DACT3: variants seen among roughly 807,000 people sequenced by gnomAD.
The protein encoded by DACT3 is dishevelled binding antagonist of beta catenin 3, also known as dapper homolog 3.
DACT3 carries 5 observed loss-of-function variants against 19.6 expected under a neutral mutation model. The observed-to-expected ratio is 0.26, with a 90% CI of 0.13 to 0.54. The LOEUF is 0.54. DACT3 is among the 20% of genes least tolerant of loss of function. The pLI, the probability that DACT3 is intolerant of heterozygous loss-of-function variation, is 0.95. For missense variants in DACT3, 908 were observed against 927.4 expected, an observed-to-expected ratio of 0.98 and a Z score of 0.27; for synonymous variants, 454 against 428.1, an observed-to-expected ratio of 1.06 and a Z score of -0.75.
intron 1 of DACT3, among the ~76,000 whole-genome samples, chr19:46,655,295 T>G (rs2053024532): frequency 6.6e-6 from 1 of 152,088 alleles, no homozygotes. Context: ...TTTCTACATA[T>G]CAGTAATGAC....
At position 46,649,301 on chromosome 19, in the gene DACT3, C is replaced by T; in HGVS notation, c.1071G>A (p.Ala357=). 1.6e-6 allele frequency: 2 copies of T among 1,233,816 alleles called. No individual in the cohort carries two copies. The highest frequency in any genetic ancestry group is 5.0e-5 in the South Asian group (2 of 39,658). 76.4% of individuals were successfully genotyped at this position (1,233,816 alleles called of 1,614,324 possible). The change falls in exon 4 of 4, where the codon GCG becomes GCA. Residue 357 remains alanine, a synonymous_variant. Coordinates refer to ENST00000391916, the MANE Select transcript of DACT3 (RefSeq NM_145056.3). ...CCGCCTGCGCGCCCGGGATGTACTG[C>T]GCCTTCACCAAGCGGCCCTCAGCCG... ...DSPAEGRLVK[A]QYIPGAQAAT... is the part of the protein sequence containing the mutation.
intron 1 of DACT3, among the ~76,000 whole-genome samples, chr19:46,658,316 G>A (rs1472252075): frequency 6.6e-6 from 1 of 152,052 alleles, no homozygotes; most frequent in African/African-American, 2.4e-5. Context: ...GATTGCTTGA[G>A]GCCAAGTTAG....
At chr19:46,656,021 CAT>C (rs1412662071) in intron 1 of DACT3, among the ~76,000 whole-genome samples, 1 of 148,654 alleles carries the variant, frequency 6.7e-6, no homozygotes, top group Non-Finnish European at 1.5e-5. Flanking sequence ...TGTATATACA[CAT>C]ATATGTATAT....
intron 1 of DACT3, among the ~76,000 whole-genome samples, chr19:46,655,570 G>A (rs1367322490): frequency 1.3e-5 from 2 of 152,092 alleles, no homozygotes; most frequent in Non-Finnish European, 2.9e-5. Context: ...CCGAGATCAC[G>A]CCACTGCACT....
chr19:46,660,646 A>G lies in DACT3; in HGVS notation c.249+170T>C, dbSNP rs1182704622. Among the ~76,000 whole-genome samples, 7 of 151,756 alleles carry G rather than the reference A, an allele frequency of 4.6e-5. No individual in the cohort carries two copies. The South Asian group carries it at 8.4e-4, about 18-fold the overall frequency. On this transcript the variant is annotated intron_variant, in intron 1 of 3. Transcript: ENST00000391916. This position sits in a 1 kb window ranked among gnomAD's most constrained non-coding sequence, Gnocchi z 4.9. ...CCCCTCCCCCGATTTGGGGGCGGGG[A>G]GGCCAGGTCCGGCCCGCCGCCGGAA...
Position 46,660,864 on chromosome 19 carries a change from T to A in DACT3, c.201A>T (p.Glu67Asp). Residue 67 changes from glutamate (E) to aspartate (D), a missense_variant, in exon 1 of 4, where the codon GAA becomes GAT. Glu to Asp is a conservative substitution (Grantham distance 45). Coordinates refer to ENST00000391916, the MANE Select transcript of DACT3 (RefSeq NM_145056.3). The surrounding 1 kb of genome is among the most constrained non-coding windows in gnomAD (Gnocchi z 4.9). ...CGGCCCGGCGCGCCGCCGCCGCATC[T>A]TCATCCTCATCGGCGTCCTCCTCGT... is the stretch of plus-strand genomic sequence containing the variant. ...AEDEEDADED[E>D]DAAAARRAAA... 1.3e-6 allele frequency: 2 copies of A among 1,527,750 alleles called. No individual in the cohort carries two copies. Among genetic ancestry groups the A allele is most frequent in the Admixed American group, 2.0e-5 (1 of 50,060 alleles). 94.6% of individuals were successfully genotyped at this position (1,527,750 alleles called of 1,614,324 possible).
intron 2 of DACT3, 82 bp from the exon 3 acceptor site, chr19:46,652,894 G>A (rs375952741): frequency 6.5e-7 from 1 of 1,540,740 alleles, no homozygotes; most frequent in Non-Finnish European, 8.8e-7. Context: ...GATGGCGTGG[G>A]GAGAGACACA....
chr19:46,649,846 C>A lies in DACT3; in HGVS notation c.526G>T (p.Val176Leu). The A allele has an allele frequency of 7.0e-7, 1 of 1,420,342 alleles. No individual in the cohort carries two copies. The highest frequency in any genetic ancestry group is 1.4e-5 in the South Asian group (1 of 70,766). 88.0% of individuals were successfully genotyped at this position (1,420,342 alleles called of 1,614,324 possible). ...GGCACCGCTGCCCGCGCGCCCACCA[C>A]CTCCGGAGCGCTGGGACTGGCGTCT... is the stretch of plus-strand genomic sequence containing the variant. ...LGDASPSAPE[V>L]VGARAAVPRS... Residue 176 changes from valine (V) to leucine (L), a missense_variant, in exon 4 of 4, where the codon GTG becomes TTG. Physicochemically the swap from Val to Leu is conservative, Grantham distance 32. Transcript: ENST00000391916.
At chr19:46,656,269 C>T (rs1245197775) in intron 1 of DACT3, among the ~76,000 whole-genome samples, 1 of 151,786 alleles carries the variant, frequency 6.6e-6, no homozygotes, top group Non-Finnish European at 1.5e-5. Context: ...AGGTTGGTCT[C>T]GAACTCCTGA....
At chr19:46,653,993 G>A (rs979924696) in intron 1 of DACT3, 6 of 985,222 alleles carry the variant, frequency 6.1e-6, no homozygotes, top group East Asian at 1.1e-4. Context: ...GGCTGACCAC[G>A]ACTCATAAAC....
chr19:46,657,709 T>C (rs1253870004), intron 1 of DACT3, among the ~76,000 whole-genome samples: 2 of 151,970 alleles, frequency 1.3e-5, no homozygotes, highest in African/African-American at 2.4e-5. Flanking sequence ...AGGAAAGCTA[T>C]GAATTTCTTA....
chr19:46,649,194 G>A lies in DACT3; in HGVS notation c.1178C>T (p.Pro393Leu). ...GCCGGCGGCCCGGGGACGCTCCCGG[G>A]GTGGTGACTGCTCCACGCTGCGGCC... The part of the protein sequence containing the change: ...TRGRSVEQSP[P>L]RERPRAAGRR... Residue 393 changes from proline (P) to leucine (L), a missense_variant, in exon 4 of 4, where the codon CCC (proline) becomes CTC (leucine). Pro to Leu is a moderately conservative substitution (Grantham distance 98). Around this residue, in one of 2 missense-constraint regions of DACT3, gnomAD observed 656 missense variants for 601.8 expected, o/e 1.09. Transcript: ENST00000391916. 1 of 1,204,794 alleles carries A rather than the reference G, an allele frequency of 8.3e-7. No homozygotes were observed. Among genetic ancestry groups the A allele is most frequent in the Non-Finnish European group, 1.0e-6 (1 of 971,636 alleles). The allele number at this position is 1,204,794 out of a possible 1,614,324, so 74.6% of individuals were successfully genotyped here.
intron 1 of DACT3, among the ~76,000 whole-genome samples, chr19:46,657,694 A>G (rs1262941622): frequency 6.6e-6 from 1 of 151,756 alleles, no homozygotes; most frequent in Non-Finnish European, 1.5e-5. Context: ...AGTTTGTATG[A>G]TTACAGGAAA....
chr19:46,658,392 A>G (rs2096799271), intron 1 of DACT3, among the ~76,000 whole-genome samples: 1 of 152,218 alleles, frequency 6.6e-6, no homozygotes, highest in Non-Finnish European at 1.5e-5. Context: ...CCAAAAATAA[A>G]TGAATAAATA....
chr19:46,651,595 G>A (rs2052985246), intron 3 of DACT3: 1 of 152,040 alleles, frequency 6.6e-6, no homozygotes, highest in Non-Finnish European at 1.5e-5. Context: ...ATGCCTTAGA[G>A]CAGAGGCTCA....
At position 46,649,281 on chromosome 19, in the gene DACT3, T is replaced by G; in HGVS notation, c.1091A>C (p.Gln364Pro). ...GCCAGGGAGGCCTCGGGTGGCCGCC[T>G]GCGCGCCCGGGATGTACTGCGCCTT... The part of the protein sequence containing the change: ...LVKAQYIPGA[Q>P]AATRGLPGRA... Residue 364 changes from glutamine (Q) to proline (P), a missense_variant, in exon 4 of 4, where the codon CAG becomes CCG. This residue lies in a region of DACT3 where 656 missense variants were observed against 601.8 expected (regional missense o/e 1.09). Transcript: ENST00000391916. 8.3e-7 allele frequency: 1 copy of G among 1,209,248 alleles called. No homozygotes were observed. Among genetic ancestry groups the G allele is most frequent in the Non-Finnish European group, 1.0e-6 (1 of 974,318 alleles). 74.9% of individuals were successfully genotyped at this position (1,209,248 alleles called of 1,614,324 possible).
Position 46,661,107 on chromosome 19 carries a change from C to G in DACT3, c.-43G>C. 3 of 1,372,938 alleles carry G rather than the reference C, an allele frequency of 2.2e-6. No individual in the cohort carries two copies. The highest frequency in any genetic ancestry group is 2.7e-4 in the Middle Eastern group (1 of 3,764). The allele number at this position is 1,372,938 out of a possible 1,614,324, so 85.0% of individuals were successfully genotyped here. A position where few individuals can be genotyped will look rare whatever the true frequency, so the allele number is the denominator to read the frequency against. ...CCAGCCCGGCCGGGCCCCGCGGCCA[C>G]CCCTCTCCCGGTCCCACCTCCCCGC... On this transcript the variant is annotated 5_prime_UTR_variant, in exon 1 of 4. Transcript: ENST00000391916.
Position 46,652,654 on chromosome 19 carries a change from C to T in DACT3, c.499+6G>A. ...GGCCCCAGGGCCCCACCCTCACCCACCTTACCTAGGGACTTGGGCCTCTCA... is the reference window on the plus strand; with the variant it reads ...GGCCCCAGGGCCCCACCCTCACCCATCTTACCTAGGGACTTGGGCCTCTCA... On this transcript the variant is annotated splice_donor_region_variant and intron_variant, in intron 3 of 3. Transcript: ENST00000391916. The T allele has an allele frequency of 6.4e-7, 1 of 1,550,582 alleles. No individual in the cohort carries two copies. Among genetic ancestry groups the T allele is most frequent in the Non-Finnish European group, 8.7e-7 (1 of 1,146,952 alleles).
chr19:46,654,341 C>T (rs2053016109), intron 1 of DACT3: 4 of 577,376 alleles, frequency 6.9e-6, no homozygotes, highest in African/African-American at 2.0e-5. Flanking sequence ...CAAAAACTAG[C>T]GGGGCGTGGT....
Sources: allele counts gnomAD v4.1 joint callset (sites outside exome capture counted in the v4.1 genomes callset), GRCh38; gene constraint gnomAD v4.1.1; regional missense constraint gnomAD v4.1.1; non-coding constraint Gnocchi (gnomAD v3.1); transcripts MANE v1.5; gene names NCBI Gene and HGNC (gene_info 2026-07-23, HGNC 2026-07-21).